Variants in FARP1 observed in about 807,000 individuals in gnomAD.
The protein encoded by FARP1 is FERM, ARH/RhoGEF and pleckstrin domain protein 1, also known as FERM, ARHGEF and pleckstrin domain-containing protein 1.
Under a neutral mutation model 128.8 loss-of-function variants are expected in FARP1, and 52 were observed. The observed-to-expected ratio is 0.40, with a 90% CI of 0.32 to 0.51. The LOEUF (loss-of-function observed/expected upper bound fraction) is 0.51, where lower values mean the gene tolerates loss of function less well. FARP1 is among the 20% of genes least tolerant of loss of function. The pLI is 0.45. For missense variants in FARP1, 1,333 were observed against 1,367.9 expected, an observed-to-expected ratio of 0.97 and a Z score of 0.40; for synonymous variants, 580 against 551.8, an observed-to-expected ratio of 1.05 and a Z score of -0.72.
intron 2 of FARP1, among the ~76,000 whole-genome samples, chr13:98,279,521 G>C (rs1033030912): frequency 2.0e-5 from 3 of 152,232 alleles, no homozygotes; most frequent in Non-Finnish European, 4.4e-5. Flanking sequence ...GTAGCCACTG[G>C]AAATGTGGTT....
chr13:98,269,976 A>G (rs989523071), intron 2 of FARP1, among the ~76,000 whole-genome samples: 5 of 152,108 alleles, frequency 3.3e-5, no homozygotes, highest in Non-Finnish European at 4.4e-5. Context: ...TTGGTAGTGC[A>G]CGCCTGTAGT....
At chr13:98,343,685 T>A in intron 2 of FARP1, 77 bp from the exon 3 acceptor site, 1 of 1,008,664 alleles carries the variant, frequency 9.9e-7, no homozygotes, top group East Asian at 2.4e-5. Flanking sequence ...AATCCAGAGG[T>A]TTCCTGCAGC....
At chr13:98,258,411 C>T (rs1430293909) in intron 2 of FARP1, among the ~76,000 whole-genome samples, 2 of 152,200 alleles carry the variant, frequency 1.3e-5, no homozygotes, top group African/African-American at 4.8e-5. Flanking sequence ...CACTGCCTGG[C>T]ATAGAGTTAT....
At chr13:98,271,285 G>A (rs1377823842) in intron 2 of FARP1, among the ~76,000 whole-genome samples, 2 of 152,060 alleles carry the variant, frequency 1.3e-5, no homozygotes, top group African/African-American at 2.4e-5. Context: ...ACCAGCACAC[G>A]GTGACGACTT....
intron 2 of FARP1, among the ~76,000 whole-genome samples, chr13:98,242,344 A>G (rs1451619501): frequency 6.6e-6 from 1 of 152,198 alleles, no homozygotes; most frequent in Non-Finnish European, 1.5e-5. Flanking sequence ...TAGGAAACTT[A>G]TTTCAGAGGG....
intron 1 of FARP1, among the ~76,000 whole-genome samples, chr13:98,201,182 C>CA (rs1163604986): frequency 6.6e-6 from 1 of 152,210 alleles, no homozygotes; most frequent in East Asian, 1.9e-4. Context: ...GTGGTTCATG[C>CA]CTGTACTCCC....
chr13:98,163,910 T>C (rs2139137949), intron 1 of FARP1, among the ~76,000 whole-genome samples: 1 of 152,254 alleles, frequency 6.6e-6, no homozygotes, highest in Middle Eastern at 3.4e-3. Flanking sequence ...GGTTTCACCA[T>C]GTTGGCCAGG....
At chr13:98,397,766 G>T (rs1312136339) in intron 13 of FARP1, 1 of 151,972 alleles carries the variant, frequency 6.6e-6, no homozygotes. Context: ...AGGCTGTCTC[G>T]AATCTAGTGG....
chr13:98,368,218 A>AT (rs1280011077), intron 5 of FARP1, 23 bp downstream of exon 5: 1 of 1,568,590 alleles, frequency 6.4e-7, no homozygotes, highest in East Asian at 2.2e-5. Context: ...GAAACTGTGT[A>AT]TTTTTTGCTA....
intron 13 of FARP1, chr13:98,406,647 T>A (rs1001349927): frequency 6.6e-6 from 1 of 152,264 alleles, no homozygotes; most frequent in Non-Finnish European, 1.5e-5. Flanking sequence ...CAGCAGCCTG[T>A]GGGCTAATCC....
At chr13:98,410,366 C>T (rs1192228214) in intron 14 of FARP1, among the ~76,000 whole-genome samples, 2 of 152,200 alleles carry the variant, frequency 1.3e-5, no homozygotes, top group African/African-American at 4.8e-5. Flanking sequence ...ACTCCACCAA[C>T]GGACATAGGA....
At chr13:98,218,838 T>G (rs947293667) in intron 2 of FARP1, among the ~76,000 whole-genome samples, 1 of 152,302 alleles carries the variant, frequency 6.6e-6, no homozygotes, top group Admixed American at 6.5e-5. Context: ...GATAATACAT[T>G]ATTAGTAGAA....
intron 16 of FARP1, among the ~76,000 whole-genome samples, chr13:98,423,155 GA>G (rs1555294641): frequency 6.6e-6 from 1 of 152,156 alleles, no homozygotes; most frequent in Non-Finnish European, 1.5e-5. Context: ...GCTGGCAGCC[GA>G]TTAGGTTGTG....
intron 2 of FARP1, among the ~76,000 whole-genome samples, chr13:98,259,298 T>A (rs1883760669): frequency 6.6e-6 from 1 of 152,096 alleles, no homozygotes; most frequent in African/African-American, 2.4e-5. Context: ...TATATAATAC[T>A]CTCTATATAG....
At chr13:98,160,866 A>G (rs1876832609) in intron 1 of FARP1, among the ~76,000 whole-genome samples, 1 of 151,732 alleles carries the variant, frequency 6.6e-6, no homozygotes, top group Non-Finnish European at 1.5e-5. Flanking sequence ...TTTAGTAGAG[A>G]TAGGGTTTTG....
chr13:98,195,823 G>A (rs1357446115), intron 1 of FARP1, among the ~76,000 whole-genome samples: 1 of 152,022 alleles, frequency 6.6e-6, no homozygotes, highest in Non-Finnish European at 1.5e-5. Flanking sequence ...CCAGAAGTTC[G>A]AGACCAGCCT....
chr13:98,287,207 T>C lies in FARP1; in HGVS notation c.172-56555T>C, dbSNP rs528325465. On this transcript the variant is annotated intron_variant, in intron 2 of 26. Coordinates refer to ENST00000319562, the MANE Select transcript of FARP1 (RefSeq NM_005766.4). ...CTTTCCAAATTAACCATCAGACATG[T>C]CTTTTTTTTTTTTTTTTTTTTTTTT... 1.2e-3 allele frequency among the ~76,000 whole-genome samples: 141 copies of C among 117,802 alleles called. 1 individual carries two copies. The highest frequency in any genetic ancestry group is 0.01 in the South Asian group (38 of 3,754). 77.3% of individuals were successfully genotyped at this position (117,802 alleles called of 152,430 possible). A position where few individuals can be genotyped will look rare whatever the true frequency, so the allele number is the denominator to read the frequency against.
intron 1 of FARP1, chr13:98,177,142 C>T (rs1368939643): frequency 1.9e-6 from 3 of 1,606,332 alleles, no homozygotes; most frequent in African/African-American, 1.3e-5. Flanking sequence ...CTTTCTGAGG[C>T]CTGCAGCCCC....
intron 2 of FARP1, among the ~76,000 whole-genome samples, chr13:98,243,132 G>A (rs1882864843): frequency 6.6e-6 from 1 of 152,136 alleles, no homozygotes; most frequent in Admixed American, 6.6e-5. Context: ...TACTTACTGT[G>A]ATACTGTAAA....
Sources: allele counts gnomAD v4.1 joint callset (sites outside exome capture counted in the v4.1 genomes callset), GRCh38; gene constraint gnomAD v4.1.1; transcripts MANE v1.5; gene names NCBI Gene and HGNC (gene_info 2026-07-23, HGNC 2026-07-21).